Variants in ARID1B observed in about 807,000 individuals in gnomAD.
ARID1B encodes the protein AT-rich interaction domain 1B.
Under a neutral mutation model 212.3 loss-of-function variants are expected in ARID1B, and 30 were observed. That is an observed-to-expected ratio of 0.14 (90% CI 0.11 to 0.19). ARID1B has a LOEUF of 0.19. Ranked by LOEUF, ARID1B falls within the 10% of genes least tolerant of loss-of-function variation. The pLI, the probability that ARID1B is intolerant of heterozygous loss-of-function variation, is 1.00. For synonymous variants in ARID1B, 1,402 were observed against 1,301.7 expected (o/e 1.08, Z -1.66); for missense variants, 2,891 against 3,204.0 (o/e 0.90, Z 2.36).
intron 4 of ARID1B, chr6:157,023,044 T>C (rs1000922847): frequency 8.5e-5 from 13 of 152,220 alleles, no homozygotes; most frequent in Admixed American, 8.5e-4. Flanking sequence ...TGTATACAGA[T>C]TTTATAAAAA....
At position 157,112,113 on chromosome 6, in the gene ARID1B, A is replaced by C. The variant is rs187176032; in HGVS notation, c.2581+1552A>C. Among the ~76,000 whole-genome samples the C allele has an allele frequency of 1.8e-4, 27 of 152,228 alleles. No individual in the cohort carries two copies. The East Asian group carries it at 4.8e-3, about 27-fold the overall frequency. On this transcript the variant is annotated intron_variant, in intron 6 of 19. Transcript: ENST00000636930. ...CAATGAGCTGTGATCACACCACTGCACTCCACCCTGAGCAACAGAGAGTGA... is the reference window on the plus strand; with the variant it reads ...CAATGAGCTGTGATCACACCACTGCCCTCCACCCTGAGCAACAGAGAGTGA...
chr6:157,138,518 A>G (rs905433512), intron 7 of ARID1B, among the ~76,000 whole-genome samples: 2 of 152,158 alleles, frequency 1.3e-5, no homozygotes, highest in Non-Finnish European at 2.9e-5. Flanking sequence ...GATTACAGGC[A>G]TGAGAGAACC....
intron 4 of ARID1B, among the ~76,000 whole-genome samples, chr6:156,979,868 T>C (rs1413210703): frequency 1.3e-5 from 2 of 151,960 alleles, no homozygotes; most frequent in Non-Finnish European, 2.9e-5. Flanking sequence ...TTCCTTCCTT[T>C]TTTAAAATTA....
intron 4 of ARID1B, chr6:156,985,754 TAAAC>T (rs945574258): frequency 5.9e-5 from 9 of 152,204 alleles, no homozygotes; most frequent in African/African-American, 1.9e-4. Context: ...TAATAAAACT[TAAAC>T]GTCTGCACAT....
At chr6:156,790,693 C>T (rs1779950326) in intron 1 of ARID1B, among the ~76,000 whole-genome samples, 1 of 152,184 alleles carries the variant, frequency 6.6e-6, no homozygotes, top group African/African-American at 2.4e-5. Flanking sequence ...CTGCCTTTAA[C>T]CTGAATTGGC....
At chr6:156,858,724 C>T (rs114129090) in intron 2 of ARID1B, among the ~76,000 whole-genome samples, 96 of 152,118 alleles carry the variant, frequency 6.3e-4, no homozygotes, top group African/African-American at 2.3e-3. Context: ...AGCCAAGATC[C>T]CACCATTGCA....
intron 1 of ARID1B, among the ~76,000 whole-genome samples, chr6:156,808,548 C>G (rs1194915893): frequency 2.0e-5 from 3 of 152,224 alleles, no homozygotes; most frequent in Non-Finnish European, 4.4e-5. Flanking sequence ...CCTCATACCA[C>G]AGATTTCCTT....
intron 3 of ARID1B, 79 bp from the exon 4 acceptor site, chr6:156,935,387 T>G: frequency 8.0e-7 from 1 of 1,254,670 alleles, no homozygotes; most frequent in Admixed American, 1.9e-5. Flanking sequence ...GCCAAGCTTT[T>G]GTTTAATTTT....
intron 3 of ARID1B, among the ~76,000 whole-genome samples, chr6:156,934,751 C>T (rs1792021050): frequency 1.3e-5 from 2 of 151,526 alleles, no homozygotes; most frequent in Admixed American, 1.3e-4. Context: ...CGGAATTCAA[C>T]AATCCAGGGA....
intron 8 of ARID1B, chr6:157,150,282 G>C (rs868423090): frequency 6.6e-6 from 1 of 152,022 alleles, no homozygotes; most frequent in African/African-American, 2.4e-5. Flanking sequence ...ACAAAGCTAC[G>C]CGTGCCCCCT....
intron 1 of ARID1B, among the ~76,000 whole-genome samples, chr6:156,810,092 A>G (rs1027061396): frequency 7.2e-5 from 11 of 152,222 alleles, no homozygotes; most frequent in Non-Finnish European, 1.5e-4. Context: ...AAAAATAACT[A>G]TTGAAAATCA....
Position 157,208,719 on chromosome 6 carries a change from T to C in ARID1B, c.*828T>C, listed in dbSNP as rs1794633065. 2 of 219,372 alleles carry C rather than the reference T, an allele frequency of 9.1e-6. No individual in the cohort carries two copies. The highest frequency in any genetic ancestry group is 1.3e-4 in the East Asian group (2 of 14,874). The allele number at this position is 219,372 out of a possible 1,614,324, so 13.6% of individuals were successfully genotyped here. On this transcript the variant is annotated 3_prime_UTR_variant, in exon 20 of 20. Coordinates refer to ENST00000636930, the MANE Select transcript of ARID1B (RefSeq NM_001374828.1). ...ATACCCTCATTTTTTTCTTTTCTTT[T>C]TTTTTTTTTTTTTTAGTACAAAGTT...
intron 13 of ARID1B, among the ~76,000 whole-genome samples, 163 bp from the exon 14 acceptor site, chr6:157,189,479 G>A (rs965530887): frequency 4.6e-5 from 7 of 152,110 alleles, no homozygotes; most frequent in African/African-American, 9.7e-5. Flanking sequence ...GAAAAGCAAC[G>A]AATTTTACAA....
chr6:157,163,954 G>T (rs1178267323), intron 8 of ARID1B, among the ~76,000 whole-genome samples: 2 of 152,228 alleles, frequency 1.3e-5, no homozygotes, highest in Non-Finnish European at 2.9e-5. Flanking sequence ...GTGACTTTAG[G>T]CAAGTTACTT....
chr6:157,099,143 T>C (rs1364220519), intron 5 of ARID1B, among the ~76,000 whole-genome samples: 1 of 152,074 alleles, frequency 6.6e-6, no homozygotes, highest in Non-Finnish European at 1.5e-5. Flanking sequence ...AGACAGGGTT[T>C]TATCATGTTG....
intron 4 of ARID1B, among the ~76,000 whole-genome samples, chr6:157,044,001 T>G (rs1201215200): frequency 6.6e-6 from 1 of 152,210 alleles, no homozygotes; most frequent in Non-Finnish European, 1.5e-5. Flanking sequence ...GATGCAGTGG[T>G]AAGAATAATA....
intron 3 of ARID1B, among the ~76,000 whole-genome samples, chr6:156,929,210 G>T (rs963023183): frequency 1.3e-5 from 2 of 152,176 alleles, no homozygotes; most frequent in Non-Finnish European, 2.9e-5. Flanking sequence ...CCCCTCTTGC[G>T]AATATGAGCT....
intron 4 of ARID1B, chr6:157,071,774 C>G (rs1042953460): frequency 3.3e-5 from 5 of 152,322 alleles, no homozygotes; most frequent in African/African-American, 1.2e-4. Context: ...ATGCCAGCTT[C>G]TGTGACCCAT....
chr6:157,158,549 C>A (rs1790714509), intron 8 of ARID1B, among the ~76,000 whole-genome samples: 1 of 152,198 alleles, frequency 6.6e-6, no homozygotes, highest in Non-Finnish European at 1.5e-5. Flanking sequence ...TGCTAAAACT[C>A]AGGTTCGTCC....
Sources: allele counts gnomAD v4.1 joint callset (sites outside exome capture counted in the v4.1 genomes callset), GRCh38; gene constraint gnomAD v4.1.1; transcripts MANE v1.5; gene names NCBI Gene and HGNC (gene_info 2026-07-23, HGNC 2026-07-21).